Variants in TGFBR3 observed in about 807,000 individuals in gnomAD.
TGFBR3 encodes transforming growth factor beta receptor 3.
TGFBR3 carries 46 observed loss-of-function variants against 87.9 expected under a neutral mutation model. The observed-to-expected ratio is 0.52, with a 90% CI of 0.41 to 0.67. The LOEUF (loss-of-function observed/expected upper bound fraction) is 0.67. Among genes scored for constraint, TGFBR3 ranks in the 30% least tolerant of loss-of-function variants. The pLI is 0.00. For missense variants in TGFBR3, 866 were observed against 1,041.9 expected, an observed-to-expected ratio of 0.83 and a Z score of 2.32; for synonymous variants, 381 against 391.6, an observed-to-expected ratio of 0.97 and a Z score of 0.32.
chr1:91,801,683 T>C (rs918990417), intron 2 of TGFBR3, among the ~76,000 whole-genome samples: 15 of 152,284 alleles, frequency 9.9e-5, no homozygotes, highest in Admixed American at 7.8e-4. Flanking sequence ...TCAACATCTC[T>C]ACATGTTGAA....
chr1:91,842,596 G>A (rs1677326198), intron 2 of TGFBR3, among the ~76,000 whole-genome samples: 1 of 152,178 alleles, frequency 6.6e-6, no homozygotes, highest in Non-Finnish European at 1.5e-5. Flanking sequence ...CATCTCCCAA[G>A]GACATTCCCC....
intron 2 of TGFBR3, among the ~76,000 whole-genome samples, chr1:91,846,528 C>T (rs1677505693): frequency 6.6e-6 from 1 of 152,116 alleles, no homozygotes; most frequent in Non-Finnish European, 1.5e-5. Context: ...ATGCCAGACC[C>T]TACTCTCAAA....
rs1805117 is a variant in TGFBR3, at chr1:91,683,282, T to C, written c.*457A>G. 64,260 of 456,306 alleles carry C rather than the reference T, an allele frequency of 0.14. 4,979 individuals carry two copies. The highest frequency in any genetic ancestry group is 0.17 in the Non-Finnish European group (38,972 of 228,084). 28.3% of individuals were successfully genotyped at this position (456,306 alleles called of 1,614,324 possible). On this transcript the variant is annotated 3_prime_UTR_variant, in exon 17 of 17. Transcript: ENST00000212355. Reference sequence around the variant, plus strand: ...GAAAGCCTCAAAGCATTTCTTGTTTTACATCTTGGTTCAGATATAAAGAAT... The same window carrying C: ...GAAAGCCTCAAAGCATTTCTTGTTTCACATCTTGGTTCAGATATAAAGAAT...
intron 5 of TGFBR3, among the ~76,000 whole-genome samples, chr1:91,731,923 G>A (rs1672788195): frequency 6.6e-6 from 1 of 152,208 alleles, no homozygotes; most frequent in Non-Finnish European, 1.5e-5. Flanking sequence ...AGTTGAATAA[G>A]CTGACCACTT....
At chr1:91,809,168 C>A (rs768153482) in intron 2 of TGFBR3, among the ~76,000 whole-genome samples, 3 of 152,172 alleles carry the variant, frequency 2.0e-5, no homozygotes, top group African/African-American at 7.2e-5. Flanking sequence ...CCTCATTAAC[C>A]CTGAGGGATG....
intron 3 of TGFBR3, among the ~76,000 whole-genome samples, chr1:91,781,579 A>T (rs2100966079): frequency 6.6e-6 from 1 of 152,336 alleles, no homozygotes; most frequent in Admixed American, 6.5e-5. Flanking sequence ...TATGAGTCAT[A>T]AAAAATAGGA....
chr1:91,835,842 A>C (rs1395187417), intron 2 of TGFBR3, among the ~76,000 whole-genome samples: 8 of 94,494 alleles, frequency 8.5e-5, no homozygotes, highest in Non-Finnish European at 1.8e-4. Context: ...AAAAAAAAAA[A>C]AAAAAAAAAA....
At chr1:91,887,661 GT>G (rs1321849877), upstream of TGFBR3, among the ~76,000 whole-genome samples, 1 of 152,052 alleles carries the variant, frequency 6.6e-6, no homozygotes, top group African/African-American at 2.4e-5. Context: ...AATATTTCTC[GT>G]CCTCTTCCTC....
rs778795967 is a variant in TGFBR3, at chr1:91,719,953, G to C, written c.1353C>G (p.Ala451=). 3 of 1,614,016 alleles carry C rather than the reference G, an allele frequency of 1.9e-6. No homozygotes were observed. ...TCTCATTGTCACATTTGACAGACAG[G>C]GCAATATCCACGCTCCCTTGCACCT... is the stretch of plus-strand genomic sequence containing the variant. ...PEEVQGSVDI[A]LSVKCDNEKM... is the part of the protein sequence containing the mutation. Residue 451 remains alanine, a synonymous_variant, in exon 9 of 17, where the codon GCC becomes GCG. Coordinates refer to ENST00000212355, the MANE Select transcript of TGFBR3 (RefSeq NM_003243.5).
rs1349231203 is a variant in TGFBR3 at position 91,767,467 on chromosome 1, T to C, written c.247-8717A>G. On this transcript the variant is annotated intron_variant, in intron 3 of 16. Transcript: ENST00000212355. ...ATGGTGGCAGCAGTAGTAATAACCA[T>C]CATCATCATCATCTCCTAAGGAAAG... Among the ~76,000 whole-genome samples the C allele has an allele frequency of 1.5e-5, 2 of 133,130 alleles. 1 individual carries two copies. Among genetic ancestry groups the C allele is most frequent in the African/African-American group, 5.6e-5 (2 of 35,456 alleles). The allele number at this position is 133,130 out of a possible 152,430, so 87.3% of individuals were successfully genotyped here.
chr1:91,841,574 C>T (rs1246525585), intron 2 of TGFBR3, among the ~76,000 whole-genome samples: 1 of 148,510 alleles, frequency 6.7e-6, no homozygotes, highest in Non-Finnish European at 1.5e-5. Context: ...GCGGGCAGAT[C>T]ACGAGGTCAG....
chr1:91,690,077 C>T (rs375254265), intron 16 of TGFBR3, among the ~76,000 whole-genome samples: 102 of 152,132 alleles, frequency 6.7e-4, no homozygotes, highest in African/African-American at 2.4e-3. Context: ...TCAAGAGAGC[C>T]GAAACCTAAG....
chr1:91,871,037 G>A (rs1427256207), intron 1 of TGFBR3, among the ~76,000 whole-genome samples: 2 of 148,236 alleles, frequency 1.3e-5, no homozygotes, highest in Non-Finnish European at 3.0e-5. Flanking sequence ...ACTCTGCTCT[G>A]TCACCAAAAA....
Position 91,785,265 on chromosome 1 carries a change from G to A in TGFBR3, c.246+12022C>T, listed in dbSNP as rs79107634. 1.1e-3 allele frequency among the ~76,000 whole-genome samples: 171 copies of A among 152,340 alleles called. 1 individual carries two copies. In the East Asian group the frequency reaches 0.021, roughly 19 times the overall value. On this transcript the variant is annotated intron_variant, in intron 3 of 16. Coordinates refer to ENST00000212355, the MANE Select transcript of TGFBR3 (RefSeq NM_003243.5). ...TGCATGATCCCATTCATATGAATGT[G>A]CAGAACAGATAAATCTAGAAAGTAG...
intron 3 of TGFBR3, among the ~76,000 whole-genome samples, chr1:91,763,831 A>G: frequency 6.6e-6 from 1 of 152,150 alleles, no homozygotes; most frequent in East Asian, 1.9e-4. Context: ...TGGGAACAGT[A>G]TTTACTTAGT....
intron 2 of TGFBR3, among the ~76,000 whole-genome samples, chr1:91,897,245 C>A (rs12566180): frequency 3.3e-5 from 5 of 151,956 alleles, no homozygotes; most frequent in Admixed American, 3.3e-4. Flanking sequence ...GCGGGGGTAT[C>A]AGGCAGCATT....
At chr1:91,852,964 G>C (rs957840122) in intron 2 of TGFBR3, among the ~76,000 whole-genome samples, 8 of 151,576 alleles carry the variant, frequency 5.3e-5, no homozygotes, top group African/African-American at 1.7e-4. Context: ...AAACCAGCCT[G>C]GGCAACATGG....
chr1:91,775,204 C>G (rs1401903055), intron 3 of TGFBR3, among the ~76,000 whole-genome samples: 1 of 152,216 alleles, frequency 6.6e-6, no homozygotes, highest in Non-Finnish European at 1.5e-5. Context: ...CTCCCCAAGT[C>G]TTCAGAATTT....
At chr1:91,817,698 G>A (rs920584745) in intron 2 of TGFBR3, among the ~76,000 whole-genome samples, 5 of 152,132 alleles carry the variant, frequency 3.3e-5, no homozygotes, top group Admixed American at 6.5e-5. Context: ...TTCCAGTAAA[G>A]CCATGAGTAT....
Sources: allele counts gnomAD v4.1 joint callset (sites outside exome capture counted in the v4.1 genomes callset), GRCh38; gene constraint gnomAD v4.1.1; transcripts MANE v1.5; gene names NCBI Gene and HGNC (gene_info 2026-07-23, HGNC 2026-07-21).